Variants in SPHKAP observed in about 807,000 individuals in gnomAD.
SPHKAP encodes SPHK1 interactor, AKAP domain containing.
In SPHKAP, 67 loss-of-function variants were observed where a neutral mutation model predicts 137.5. The observed-to-expected ratio is 0.49, with a 90% confidence interval of 0.40 to 0.60. The LOEUF (loss-of-function observed/expected upper bound fraction) is 0.60. SPHKAP is among the 20% of genes least tolerant of loss of function. SPHKAP has a pLI of 0.00. For missense variants in SPHKAP, 2,097 were observed against 2,069.3 expected (o/e 1.01, Z -0.26); for synonymous variants, 813 against 785.3 (o/e 1.04, Z -0.59).
chr2:228,033,292 A>C (rs1695427966), intron 3 of SPHKAP, among the ~76,000 whole-genome samples: 1 of 152,248 alleles, frequency 6.6e-6, no homozygotes, highest in Non-Finnish European at 1.5e-5. Context: ...AGGCCATTAC[A>C]TAATGGTAAA....
intron 7 of SPHKAP, among the ~76,000 whole-genome samples, chr2:228,011,813 C>A (rs1356746682): frequency 6.6e-6 from 1 of 152,092 alleles, no homozygotes; most frequent in Admixed American, 6.6e-5. Flanking sequence ...AAATCTAGCA[C>A]CTCACATACT....
chr2:228,120,563 A>T (rs1698872222), intron 2 of SPHKAP, among the ~76,000 whole-genome samples: 1 of 152,172 alleles, frequency 6.6e-6, no homozygotes, highest in South Asian at 2.1e-4. Context: ...GCTTCCACAC[A>T]GTCTCAGATA....
intron 1 of SPHKAP, among the ~76,000 whole-genome samples, chr2:228,162,961 A>C (rs1478260109): frequency 6.6e-6 from 1 of 152,180 alleles, no homozygotes; most frequent in African/African-American, 2.4e-5. Context: ...GGCCTCCCAA[A>C]GTGCTGTGAT....
At chr2:227,995,968 A>G in intron 7 of SPHKAP, 1 of 985,370 alleles carries the variant, frequency 1.0e-6, no homozygotes, top group Middle Eastern at 5.2e-4. Context: ...AGCCTGGCCT[A>G]CACACAAAAG....
chr2:228,169,754 C>A (rs892138139), intron 1 of SPHKAP: 1 of 151,904 alleles, frequency 6.6e-6, no homozygotes, highest in Admixed American at 6.6e-5. Flanking sequence ...TGCTTGCTTA[C>A]ACAGCATGTT....
intron 3 of SPHKAP, among the ~76,000 whole-genome samples, chr2:228,095,059 G>A (rs2106331710): frequency 6.6e-6 from 1 of 152,218 alleles, no homozygotes; most frequent in South Asian, 2.1e-4. Context: ...GAAGGGTGAG[G>A]GAGAAAGTGT....
intron 3 of SPHKAP, among the ~76,000 whole-genome samples, chr2:228,066,913 T>G (rs1052821039): frequency 1.3e-5 from 2 of 152,224 alleles, no homozygotes; most frequent in Non-Finnish European, 2.9e-5. Context: ...GTATTTTTGA[T>G]GTACTGTTCA....
chr2:228,002,429 G>A lies in SPHKAP; in HGVS notation c.4449-6735C>T, dbSNP rs571412048. 1.2e-4 allele frequency among the ~76,000 whole-genome samples: 18 copies of A among 152,098 alleles called. No homozygotes were observed. In the East Asian group the frequency reaches 3.3e-3, roughly 28 times the overall value. ...TTTTGATGAGGTTGTTTTTTTTCCTGTAAATTTGTTTGTGTTCTTTGTAGA... is the reference window on the plus strand; with the variant it reads ...TTTTGATGAGGTTGTTTTTTTTCCTATAAATTTGTTTGTGTTCTTTGTAGA... On this transcript the variant is annotated intron_variant, in intron 7 of 11. Coordinates refer to ENST00000392056, the MANE Select transcript of SPHKAP (RefSeq NM_001142644.2).
intron 2 of SPHKAP, among the ~76,000 whole-genome samples, chr2:228,126,992 C>G (rs1484905726): frequency 6.6e-6 from 1 of 152,134 alleles, no homozygotes; most frequent in Non-Finnish European, 1.5e-5. Context: ...TTTCTCTCAC[C>G]AGTTAATTTA....
At chr2:228,126,916 A>T (rs1294845372) in intron 2 of SPHKAP, among the ~76,000 whole-genome samples, 1 of 152,200 alleles carries the variant, frequency 6.6e-6, no homozygotes, top group East Asian at 1.9e-4. Context: ...AAAGAAATTC[A>T]GTCAATTTGC....
intron 3 of SPHKAP, among the ~76,000 whole-genome samples, chr2:228,045,489 A>G (rs919614726): frequency 2.6e-5 from 4 of 151,218 alleles, no homozygotes; most frequent in African/African-American, 7.3e-5. Flanking sequence ...TCAGCAAACT[A>G]TCGCAAGGAC....
chr2:228,018,329 T>A lies in SPHKAP; in HGVS notation c.2525A>T (p.Asp842Val). 7 of 1,614,202 alleles carry A rather than the reference T, an allele frequency of 4.3e-6. No individual in the cohort carries two copies. Among genetic ancestry groups the A allele is most frequent in the Non-Finnish European group, 5.9e-6 (7 of 1,180,020 alleles). ...EIYLKGIAGE[D>V]TKSPHHSENE... ...CTCACTGTGATGAGGGCTTTTTGTA[T>A]CCTCTCCTGCTATTCCTTTCAGATA... Residue 842 changes from aspartate (D) to valine (V), a missense_variant, in exon 7 of 12, where the codon GAT (aspartate) becomes GTT (valine). Transcript: ENST00000392056.
intron 3 of SPHKAP, among the ~76,000 whole-genome samples, chr2:228,057,715 A>G (rs994874125): frequency 6.6e-6 from 1 of 152,056 alleles, no homozygotes; most frequent in Non-Finnish European, 1.5e-5. Flanking sequence ...TGAAAGAAAG[A>G]GTGGTTGAAT....
In SPHKAP at chr2:228,016,326, T is replaced by A. The variant is rs966590637; in HGVS notation, c.4448+80A>T. 48 of 1,485,100 alleles carry A rather than the reference T, an allele frequency of 3.2e-5. No homozygotes were observed. The Middle Eastern group carries it at 1.3e-3, about 39-fold the overall frequency. 92.0% of individuals were successfully genotyped at this position (1,485,100 alleles called of 1,614,324 possible). A position where few individuals can be genotyped will look rare whatever the true frequency, so the allele number is the denominator to read the frequency against. On this transcript the variant is annotated intron_variant, in intron 7 of 11. Transcript: ENST00000392056. ...TCTTGCACCAATCAAATCCTTTATG[T>A]CTAAAATTTAGACTAAACACTGATT... is the stretch of plus-strand genomic sequence containing the variant.
intron 3 of SPHKAP, among the ~76,000 whole-genome samples, chr2:228,031,768 A>T (rs1190596738): frequency 3.3e-5 from 5 of 152,214 alleles, no homozygotes; most frequent in African/African-American, 1.2e-4. Flanking sequence ...ATACCAAGAC[A>T]AACATGGTCT....
At chr2:227,996,451 T>C (rs562766905) in intron 7 of SPHKAP, among the ~76,000 whole-genome samples, 1 of 152,276 alleles carries the variant, frequency 6.6e-6, no homozygotes, top group South Asian at 2.1e-4. Flanking sequence ...TGGAACCCAG[T>C]TGTCTGTTTT....
At chr2:228,130,138 C>G (rs13428727) in intron 2 of SPHKAP, among the ~76,000 whole-genome samples, 10,532 of 152,054 alleles carry the variant, frequency 0.069, 1,131 homozygotes, top group African/African-American at 0.23. Flanking sequence ...CCAAATAGCC[C>G]TTTCAGTTCA....
Position 228,018,229 on chromosome 2 carries a change from A to C in SPHKAP, c.2625T>G (p.Ala875=). Residue 875 remains alanine, a synonymous_variant, in exon 7 of 12, where the codon GCT becomes GCG. Transcript: ENST00000392056. The part of the protein sequence containing the change: ...VSQSRSGSQE[A]EESIHPNTQE... The stretch of plus-strand genomic sequence containing the variant: ...GGGTGTTTGGGTGGATACTCTCCTC[A>C]GCCTCCTGGGAACCACTTCTGGACT... 3 of 1,614,128 alleles carry C rather than the reference A, an allele frequency of 1.9e-6. No homozygotes were observed. Among genetic ancestry groups the C allele is most frequent in the Non-Finnish European group, 2.5e-6 (3 of 1,180,000 alleles).
chr2:228,119,980 C>G (rs961670844), intron 2 of SPHKAP, among the ~76,000 whole-genome samples: 1 of 151,954 alleles, frequency 6.6e-6, no homozygotes, highest in Non-Finnish European at 1.5e-5. Context: ...ACCATTGACA[C>G]CTAAGAAAAT....
Sources: allele counts gnomAD v4.1 joint callset (sites outside exome capture counted in the v4.1 genomes callset), GRCh38; gene constraint gnomAD v4.1.1; transcripts MANE v1.5; gene names NCBI Gene and HGNC (gene_info 2026-07-23, HGNC 2026-07-21).